The following FGF12 variants were observed in gnomAD, a reference collection of about 807,000 sequenced individuals.
FGF12 encodes the protein fibroblast growth factor 12, also known as fibroblast growth factor 12B.
In FGF12, 14 loss-of-function variants were observed where a neutral mutation model predicts 23.6. The ratio of observed to expected loss-of-function variants is 0.59; its 90% CI spans 0.39 to 0.93. The LOEUF is 0.93. Ranked by LOEUF, FGF12 falls within the 40% of genes least tolerant of loss-of-function variation. The pLI, the probability that FGF12 is intolerant of heterozygous loss-of-function variation, is 0.00. For missense variants in FGF12, 175 were observed against 217.8 expected (o/e 0.80, Z 1.24); for synonymous variants, 62 against 77.3 (o/e 0.80, Z 1.04).
chr3:192,473,105 T>C (rs1282315475), intron 2 of FGF12, among the ~76,000 whole-genome samples: 1 of 152,230 alleles, frequency 6.6e-6, no homozygotes, highest in Non-Finnish European at 1.5e-5. Flanking sequence ...CCTATGAGTT[T>C]ACTCATCTTT....
Position 192,408,104 on chromosome 3 carries a change from C to T in FGF12, c.14-47566G>A. On this transcript the variant is annotated intron_variant, in intron 2 of 5. Coordinates refer to ENST00000445105, the MANE Select transcript of FGF12 (RefSeq NM_004113.6). This position sits in a 1 kb window ranked among gnomAD's most constrained non-coding sequence, Gnocchi z 7.3. ...ACACCCCGAGGACGTGCCTCTCGCA[C>T]AGGGAGCGCCCGTCTTTGCTGGGGC... 1 of 1,613,212 alleles carries T rather than the reference C, an allele frequency of 6.2e-7. No individual in the cohort carries two copies. The highest frequency in any genetic ancestry group is 1.7e-5 in the Admixed American group (1 of 60,032).
chr3:192,697,307 G>A (rs979180885), intron 2 of FGF12, among the ~76,000 whole-genome samples: 5 of 152,128 alleles, frequency 3.3e-5, no homozygotes, highest in Non-Finnish European at 7.3e-5. Context: ...CATTGCTTTT[G>A]GAAACAGAAT....
At chr3:192,467,084 ATAGAG>A (rs1723032698) in intron 2 of FGF12, among the ~76,000 whole-genome samples, 1 of 152,158 alleles carries the variant, frequency 6.6e-6, no homozygotes, top group African/African-American at 2.4e-5. Context: ...TAACATCTGC[ATAGAG>A]TAAATTTAAA....
At chr3:192,640,601 A>T (rs982294058) in intron 2 of FGF12, among the ~76,000 whole-genome samples, 2 of 152,214 alleles carry the variant, frequency 1.3e-5, no homozygotes, top group African/African-American at 4.8e-5. Flanking sequence ...ATGGCCTGCC[A>T]GTGTCCACAC....
intron 2 of FGF12, among the ~76,000 whole-genome samples, chr3:192,581,042 A>C (rs948484991): frequency 6.6e-6 from 1 of 152,252 alleles, no homozygotes; most frequent in African/African-American, 2.4e-5. Context: ...AGATATGCAT[A>C]AAATGTCTAT....
At chr3:192,245,472 A>G (rs891000151) in intron 4 of FGF12, among the ~76,000 whole-genome samples, 18 of 152,126 alleles carry the variant, frequency 1.2e-4, no homozygotes, top group Non-Finnish European at 1.8e-4. Context: ...AGCTATTGGC[A>G]TAATCATAAC....
chr3:192,342,311 T>G (rs1260238347), intron 3 of FGF12, among the ~76,000 whole-genome samples: 1 of 152,102 alleles, frequency 6.6e-6, no homozygotes, highest in African/African-American at 2.4e-5. Flanking sequence ...ACACATAGAC[T>G]AAAGGAAAGC....
intron 2 of FGF12, among the ~76,000 whole-genome samples, chr3:192,643,499 T>C (rs1560179295): frequency 6.6e-6 from 1 of 152,192 alleles, no homozygotes; most frequent in Non-Finnish European, 1.5e-5. Context: ...TCATGCAAAT[T>C]ATACTTTCTG....
At chr3:192,428,818 T>C (rs1226805414) in intron 2 of FGF12, among the ~76,000 whole-genome samples, 4 of 152,168 alleles carry the variant, frequency 2.6e-5, no homozygotes, top group Non-Finnish European at 4.4e-5. Flanking sequence ...TTCCTTTAAG[T>C]ATTTCATAGG....
intron 2 of FGF12, among the ~76,000 whole-genome samples, chr3:192,450,312 T>G (rs940216689): frequency 6.6e-6 from 1 of 152,182 alleles, no homozygotes; most frequent in South Asian, 2.1e-4. Context: ...TATCATACTA[T>G]GTACCAAACC....
Position 192,329,903 on chromosome 3 carries a change from T to C in FGF12, c.228+5458A>G, listed in dbSNP as rs911501146. ...GAAAAAGGTGTTTCAGAAACATAAG[T>C]TTCCAACATGCTTAACCTTCTTTTG... On this transcript the variant is annotated intron_variant, in intron 4 of 5. Coordinates refer to ENST00000445105, the MANE Select transcript of FGF12 (RefSeq NM_004113.6). 4.6e-5 allele frequency among the ~76,000 whole-genome samples: 7 copies of C among 152,284 alleles called. 2 individuals are homozygous for C.
At chr3:192,349,232 G>A (rs1029938896) in intron 3 of FGF12, among the ~76,000 whole-genome samples, 5 of 152,148 alleles carry the variant, frequency 3.3e-5, no homozygotes, top group Middle Eastern at 3.4e-3. Flanking sequence ...AGTAACTTAT[G>A]TTGAAGACGG....
At chr3:192,554,159 G>A (rs1224153034) in intron 2 of FGF12, among the ~76,000 whole-genome samples, 1 of 152,248 alleles carries the variant, frequency 6.6e-6, no homozygotes, top group Non-Finnish European at 1.5e-5. Flanking sequence ...ATAGAGCTGG[G>A]CAGATTGCTG....
At chr3:192,325,484 T>C (rs1337009390) in intron 4 of FGF12, among the ~76,000 whole-genome samples, 1 of 152,202 alleles carries the variant, frequency 6.6e-6, no homozygotes, top group Non-Finnish European at 1.5e-5. Context: ...TAGTTAAGGT[T>C]CTTGTTTCTC....
At chr3:192,215,361 T>C (rs1180181509) in intron 4 of FGF12, among the ~76,000 whole-genome samples, 4 of 152,108 alleles carry the variant, frequency 2.6e-5, no homozygotes, top group Non-Finnish European at 5.9e-5. Context: ...TTTAAAGAAG[T>C]CTTTCTTACC....
chr3:192,308,239 C>T (rs957861978), intron 4 of FGF12, among the ~76,000 whole-genome samples: 5 of 152,076 alleles, frequency 3.3e-5, no homozygotes, highest in Admixed American at 6.6e-5. Flanking sequence ...TAACCAGAAC[C>T]CAATATGCAA....
At chr3:192,621,690 CAAAAAAAAA>C (rs5855441) in intron 2 of FGF12, among the ~76,000 whole-genome samples, 1 of 94,384 alleles carries the variant, frequency 1.1e-5, no homozygotes, top group African/African-American at 4.0e-5. Context: ...GATACAAATA[CAAAAAAAAA>C]AAAAAAAAAA....
chr3:192,518,612 T>C (rs1234666043), intron 2 of FGF12, among the ~76,000 whole-genome samples: 1 of 152,144 alleles, frequency 6.6e-6, no homozygotes, highest in African/African-American at 2.4e-5. Flanking sequence ...AATGGCAAAA[T>C]GTCTGTTGAA....
chr3:192,182,787 C>G (rs1716251105), intron 4 of FGF12, among the ~76,000 whole-genome samples: 2 of 152,142 alleles, frequency 1.3e-5, no homozygotes, highest in South Asian at 4.1e-4. Context: ...CCAACACTAC[C>G]TAATTTTCTA....
Sources: gnomAD v4.1 joint callset for allele counts (sites outside exome capture counted in the v4.1 genomes callset) on GRCh38, gnomAD v4.1.1 for gene constraint, Gnocchi (gnomAD v3.1) non-coding constraint, MANE v1.5 for transcripts, NCBI Gene and HGNC (gene_info 2026-07-23, HGNC 2026-07-21) for gene names.